CGGBP1: variants seen among roughly 807,000 people sequenced by gnomAD.
CGGBP1 encodes CGG triplet repeat-binding protein 1.
CGGBP1 carries 4 observed loss-of-function variants against 11.4 expected under a neutral mutation model. The ratio of observed to expected loss-of-function variants is 0.35; its 90% CI spans 0.17 to 0.80. CGGBP1 has a LOEUF of 0.80. Among genes scored for constraint, CGGBP1 ranks in the 30% least tolerant of loss-of-function variants. CGGBP1 has a pLI of 0.52. For synonymous variants in CGGBP1, 76 were observed against 74.1 expected (o/e 1.03, Z -0.13); for missense variants, 135 against 202.1 (o/e 0.67, Z 2.01).
intron 3 of CGGBP1, chr3:88,056,724 ATACT>A (rs1576159800): frequency 1.5e-5 from 1 of 67,888 alleles, no homozygotes; most frequent in African/African-American, 2.8e-5. Flanking sequence ...ACATTTGTTA[ATACT>A]TACTTCACTT....
chr3:88,099,358 T>C (rs1371891803), intron 2 of CGGBP1, among the ~76,000 whole-genome samples: 1 of 152,186 alleles, frequency 6.6e-6, no homozygotes, highest in Non-Finnish European at 1.5e-5. Flanking sequence ...TATTCCATGC[T>C]CATGGATAGG....
At chr3:88,122,028 A>T (rs190961494) in intron 2 of CGGBP1, among the ~76,000 whole-genome samples, 1 of 152,174 alleles carries the variant, frequency 6.6e-6, no homozygotes, top group Non-Finnish European at 1.5e-5. Flanking sequence ...GAAGATGTCA[A>T]CACTTAAGAT....
chr3:88,101,855 T>C (rs1704446849), intron 2 of CGGBP1, among the ~76,000 whole-genome samples: 1 of 152,206 alleles, frequency 6.6e-6, no homozygotes, highest in East Asian at 1.9e-4. Context: ...GCCATTTTAA[T>C]GGTTATACAG....
chr3:88,070,575 T>G (rs1462846496), intron 2 of CGGBP1, among the ~76,000 whole-genome samples: 2 of 21,120 alleles, frequency 9.5e-5, no homozygotes, highest in Non-Finnish European at 9.9e-4. Context: ...TTTTTTTTTT[T>G]TTTTTTTTTT....
At chr3:88,068,656 T>C (rs1317974990) in intron 2 of CGGBP1, among the ~76,000 whole-genome samples, 3 of 152,214 alleles carry the variant, frequency 2.0e-5, no homozygotes, top group Non-Finnish European at 4.4e-5. Flanking sequence ...ATGCTGTATA[T>C]ATGTATATAA....
chr3:88,081,142 T>C (rs539616349), intron 2 of CGGBP1, among the ~76,000 whole-genome samples: 84 of 152,292 alleles, frequency 5.5e-4, no homozygotes, highest in Non-Finnish European at 1.0e-3. Flanking sequence ...TGTTTTCTCG[T>C]GATGGGAATC....
intron 2 of CGGBP1, chr3:88,128,972 T>C: frequency 1.3e-6 from 2 of 1,534,916 alleles, no homozygotes; most frequent in Middle Eastern, 1.7e-4. Flanking sequence ...TCTTCACATG[T>C]CTGTTTATGT....
intron 2 of CGGBP1, among the ~76,000 whole-genome samples, chr3:88,133,855 C>T (rs1706608709): frequency 6.6e-6 from 1 of 152,030 alleles, no homozygotes; most frequent in South Asian, 2.1e-4. Flanking sequence ...CAAAAGTATA[C>T]TTGAAATGTA....
chr3:88,113,414 AC>A (rs1705209750), intron 2 of CGGBP1, among the ~76,000 whole-genome samples: 1 of 152,144 alleles, frequency 6.6e-6, no homozygotes, highest in African/African-American at 2.4e-5. Context: ...TTCCTATTCT[AC>A]ATTTGTTAGA....
At chr3:88,077,334 GT>G (rs1211322878) in intron 2 of CGGBP1, among the ~76,000 whole-genome samples, 1 of 143,162 alleles carries the variant, frequency 7.0e-6, no homozygotes, top group African/African-American at 2.8e-5. Context: ...GACTTAAATT[GT>G]TTTTTTTTTT....
At chr3:88,145,439 T>C (rs1004600934) in intron 1 of CGGBP1, among the ~76,000 whole-genome samples, 2 of 152,144 alleles carry the variant, frequency 1.3e-5, no homozygotes, top group Non-Finnish European at 2.9e-5. Flanking sequence ...GTCTGATTTA[T>C]GGTCATATGA....
At chr3:88,093,192 T>G (rs1466024580) in intron 2 of CGGBP1, among the ~76,000 whole-genome samples, 1 of 152,164 alleles carries the variant, frequency 6.6e-6, no homozygotes, top group East Asian at 1.9e-4. Context: ...TTCTTACTGG[T>G]TTTTTCCTTT....
At chr3:88,058,584 C>T (rs1706640978) in intron 1 of CGGBP1, among the ~76,000 whole-genome samples, 1 of 152,232 alleles carries the variant, frequency 6.6e-6, no homozygotes, top group Admixed American at 6.5e-5. Flanking sequence ...TCCCAGGTGC[C>T]AGCTGTGGGC....
At chr3:88,131,401 T>C in intron 2 of CGGBP1, among the ~76,000 whole-genome samples, 1 of 152,212 alleles carries the variant, frequency 6.6e-6, no homozygotes, top group East Asian at 1.9e-4. Context: ...TAATAGATCT[T>C]TTCCTATGGG....
In CGGBP1 at chr3:88,055,303, TAA is replaced by T. The variant is rs925232487; in HGVS notation, c.*168_*169del. 22 of 537,828 alleles carry T rather than the reference TAA, an allele frequency of 4.1e-5. No individual in the cohort carries two copies. The highest frequency in any genetic ancestry group is 3.7e-4 in the African/African-American group (19 of 51,548). 33.3% of individuals were successfully genotyped at this position (537,828 alleles called of 1,614,324 possible). On this transcript the variant is annotated 3_prime_UTR_variant, in exon 4 of 4. Transcript: ENST00000482016. The surrounding 1 kb of genome is among the most constrained non-coding windows in gnomAD (Gnocchi z 4.2). ...TACCATTGGTGACTAAAATTAACAA[TAA>T]GTTTTGCAGTGAGGTGGTTTTTTTT...
At chr3:88,085,644 A>G (rs577312809) in intron 2 of CGGBP1, among the ~76,000 whole-genome samples, 1 of 152,336 alleles carries the variant, frequency 6.6e-6, no homozygotes, top group African/African-American at 2.4e-5. Context: ...GAGCATTGTC[A>G]TCTCCATTTT....
intron 2 of CGGBP1, among the ~76,000 whole-genome samples, chr3:88,099,280 T>C (rs1704255231): frequency 6.6e-6 from 1 of 152,116 alleles, no homozygotes; most frequent in Non-Finnish European, 1.5e-5. Context: ...ACAAGGGATG[T>C]GAAGGACCTC....
rs1706462288 is a variant in CGGBP1, at chr3:88,131,503, A to G, written c.-229+9467T>C. ...TGTAATATACTCATAAATAAACTAGAAACAAGTATACACAAACACACACAC... is the reference window on the plus strand; with the variant it reads ...TGTAATATACTCATAAATAAACTAGGAACAAGTATACACAAACACACACAC... On this transcript the variant is annotated intron_variant, in intron 2 of 3. Coordinates refer to the CGGBP1 transcript ENST00000462901. 2.0e-5 allele frequency among the ~76,000 whole-genome samples: 3 copies of G among 152,310 alleles called. No individual in the cohort carries two copies. In the South Asian group the frequency reaches 6.2e-4, roughly 32 times the overall value.
At chr3:88,109,026 A>T (rs1704917616) in intron 2 of CGGBP1, among the ~76,000 whole-genome samples, 1 of 152,100 alleles carries the variant, frequency 6.6e-6, no homozygotes, top group Non-Finnish European at 1.5e-5. Context: ...AGTGGGAGAC[A>T]TGAACAGAAA....
Sources: allele counts gnomAD v4.1 joint callset (sites outside exome capture counted in the v4.1 genomes callset), GRCh38; gene constraint gnomAD v4.1.1; non-coding constraint Gnocchi (gnomAD v3.1); transcripts MANE v1.5; gene names NCBI Gene and HGNC (gene_info 2026-07-23, HGNC 2026-07-21).